The following DDR1 variants were observed in gnomAD, a reference collection of about 807,000 sequenced individuals.
DDR1 encodes the protein discoidin domain receptor tyrosine kinase 1, also known as epithelial discoidin domain-containing receptor 1.
DDR1 carries 64 observed loss-of-function variants against 97.4 expected under a neutral mutation model. The ratio of observed to expected loss-of-function variants is 0.66; its 90% CI spans 0.54 to 0.81. The LOEUF (loss-of-function observed/expected upper bound fraction) is 0.81. Ranked by LOEUF, DDR1 falls within the 30% of genes least tolerant of loss-of-function variation. The pLI is 0.00. For missense variants in DDR1, 990 were observed against 1,259.6 expected (o/e 0.79, Z 3.24); for synonymous variants, 458 against 503.7 (o/e 0.91, Z 1.21).
At chr6:30,882,702 C>T (rs911854044), upstream of DDR1, 3 of 152,568 alleles carry the variant, frequency 2.0e-5, no homozygotes, top group Non-Finnish European at 2.9e-5. The surrounding 1 kb of genome is among the most constrained non-coding windows in gnomAD (Gnocchi z 4.8). Flanking sequence ...GACTCTCTAG[C>T]TCCTTCTGCT....
In DDR1 at chr6:30,891,349, C is replaced by G. The variant is rs770312033; in HGVS notation, c.566-31C>G. ...GGGATGGGGGATGGAGCCTTAGTGC[C>G]TCTGACCCCCATCCTCTCACCCTGC... On this transcript the variant is annotated intron_variant, in intron 5 of 17. Transcript: ENST00000376568. The surrounding 1 kb of genome is among the most constrained non-coding windows in gnomAD (Gnocchi z 5.3). 1 of 1,574,214 alleles carries G rather than the reference C, an allele frequency of 6.4e-7. No individual in the cohort carries two copies. Among genetic ancestry groups the G allele is most frequent in the African/African-American group, 1.3e-5 (1 of 74,124 alleles).
Position 30,889,968 on chromosome 6 carries a change from C to A in DDR1, c.417+538C>A, listed in dbSNP as rs1787420941. Among the ~76,000 whole-genome samples the A allele has an allele frequency of 6.6e-6, 1 of 152,168 alleles. No homozygotes were observed. Among genetic ancestry groups the A allele is most frequent in the Non-Finnish European group, 1.5e-5 (1 of 68,038 alleles). ...CGTCTGTTCTACCTCCATAGTGTTC[C>A]TGAGTCCAGTCACTCCTCACCACTC... On this transcript the variant is annotated intron_variant, in intron 4 of 17. Transcript: ENST00000376568. The surrounding 1 kb of genome is among the most constrained non-coding windows in gnomAD (Gnocchi z 4.9).
intron 1 of DDR1, chr6:30,885,698 T>G (rs1304472319): frequency 7.6e-7 from 1 of 1,309,960 alleles, no homozygotes; most frequent in African/African-American, 1.5e-5. Context: ...CGGGTTGATG[T>G]ATGCATGAGC....
chr6:30,894,768 T>A lies in DDR1; in HGVS notation c.1513+97T>A, dbSNP rs1790061570. 1 of 1,356,068 alleles carries A rather than the reference T, an allele frequency of 7.4e-7. No homozygotes were observed. Among genetic ancestry groups the A allele is most frequent in the Non-Finnish European group, 9.9e-7 (1 of 1,010,432 alleles). The allele number at this position is 1,356,068 out of a possible 1,614,324, so 84.0% of individuals were successfully genotyped here. A position where few individuals can be genotyped will look rare whatever the true frequency, so the allele number is the denominator to read the frequency against. Reference sequence around the variant, plus strand: ...TCTTTTTTTCCTGTCTTCCCCAGTTTCCACTTGTTTTCTTCTTTCTGTGCC... The same window carrying A: ...TCTTTTTTTCCTGTCTTCCCCAGTTACCACTTGTTTTCTTCTTTCTGTGCC... On this transcript the variant is annotated intron_variant, in intron 11 of 17. Transcript: ENST00000376568. This position sits in a 1 kb window ranked among gnomAD's most constrained non-coding sequence, Gnocchi z 5.7.
chr6:30,885,378 G>T, intron 1 of DDR1: 1 of 992,038 alleles, frequency 1.0e-6, no homozygotes, highest in South Asian at 1.6e-5. Context: ...TGAGTGGTGT[G>T]GTGGAGACAG....
chr6:30,897,605 C>G lies in DDR1; in HGVS notation c.2216+8C>G, dbSNP rs2524242. ...GCAGGGGCCCACCATCAGGTACCTG[C>G]TTACCCAGGCTGGGCCTTGCTCAGA... On this transcript the variant is annotated splice_region_variant and intron_variant, in intron 15 of 17. Transcript: ENST00000376568. The surrounding 1 kb of genome is among the most constrained non-coding windows in gnomAD (Gnocchi z 5.2). The G allele has an allele frequency of 6.2e-7, 1 of 1,602,536 alleles. No homozygotes were observed. Among genetic ancestry groups the G allele is most frequent in the South Asian group, 1.1e-5 (1 of 90,744 alleles).
chr6:30,892,310 C>T lies in DDR1; in HGVS notation c.867C>T (p.Asn289=), dbSNP rs1481324804. Residue 289 remains asparagine (N), a synonymous_variant, in exon 8 of 18, where the codon AAC becomes AAT. Transcript: ENST00000376568. ...AFQAMQVHCN[N]MHTLGARLPG... Reference sequence around the variant, plus strand: ...CTTCCCCCCAGGTCCACTGTAACAACATGCACACGCTGGGAGCCCGTCTGC... The same window carrying T: ...CTTCCCCCCAGGTCCACTGTAACAATATGCACACGCTGGGAGCCCGTCTGC... 6.4e-7 allele frequency: 1 copy of T among 1,573,938 alleles called. No individual in the cohort carries two copies. The highest frequency in any genetic ancestry group is 8.6e-7 in the Non-Finnish European group (1 of 1,158,484).
chr6:30,896,530 AGGGCCCTCCGG>A, intron 12 of DDR1, 80 bp from the exon 13 acceptor site: 1 of 1,482,642 alleles, frequency 6.7e-7, no homozygotes, highest in Non-Finnish European at 9.1e-7. Context: ...CGGGAGACAC[AGGGCCCTCCGG>A]GAGGCTGAGG....
Position 30,891,552 on chromosome 6 carries a change from TGTGTGA to T in DDR1, c.665+75_665+80del, listed in dbSNP as rs778710973. ...CTGTGTGTGTGTGTGTGTGTGTGTG[TGTGTGA>T]GAGTGTGTGTGTGTAGGGGGGCTGG... On this transcript the variant is annotated intron_variant, in intron 6 of 17. Transcript: ENST00000376568. The surrounding 1 kb of genome is among the most constrained non-coding windows in gnomAD (Gnocchi z 5.3). 1,511 of 950,904 alleles carry T rather than the reference TGTGTGA, an allele frequency of 1.6e-3. 11 individuals carry two copies. Among genetic ancestry groups the T allele is most frequent in the Admixed American group, 6.4e-3 (308 of 48,250 alleles). 58.9% of individuals were successfully genotyped at this position (950,904 alleles called of 1,614,324 possible).
chr6:30,892,780 T>C, intron 8 of DDR1: 1 of 594,220 alleles, frequency 1.7e-6, no homozygotes, highest in African/African-American at 1.9e-5. Flanking sequence ...AGTATGACAG[T>C]ACTGGTTGTT....
At position 30,891,883 on chromosome 6, in the gene DDR1, C is replaced by G; in HGVS notation, c.666-119C>G. 9.3e-7 allele frequency: 1 copy of G among 1,073,664 alleles called. No homozygotes were observed. Among genetic ancestry groups the G allele is most frequent in the Non-Finnish European group, 1.4e-6 (1 of 711,848 alleles). The allele number at this position is 1,073,664 out of a possible 1,614,324, so 66.5% of individuals were successfully genotyped here. A position where few individuals can be genotyped will look rare whatever the true frequency, so the allele number is the denominator to read the frequency against. On this transcript the variant is annotated intron_variant, in intron 6 of 17. Transcript: ENST00000376568. This position sits in a 1 kb window ranked among gnomAD's most constrained non-coding sequence, Gnocchi z 5.3. ...AGTGTGAGGTGGGATGGGAATGGGA[C>G]TAGTGGATGGGAGCCAGGCTGGCCA...
chr6:30,899,196 A>G lies in DDR1; in HGVS notation c.2642A>G (p.Tyr881Cys), dbSNP rs775192640. 1.1e-5 allele frequency: 17 copies of G among 1,614,074 alleles called. No individual in the cohort carries two copies. Among genetic ancestry groups the G allele is most frequent in the Admixed American group, 3.3e-5 (2 of 60,004 alleles). ...CCGCCTGCCTGCCCGCAGGGCCTATATGAGCTGATGCTTCGGTGCTGGAGC... is the reference window on the plus strand; with the variant it reads ...CCGCCTGCCTGCCCGCAGGGCCTATGTGAGCTGATGCTTCGGTGCTGGAGC... The part of the protein sequence containing the change: ...SRPPACPQGL[Y>C]ELMLRCWSRE... Residue 881 changes from tyrosine (Y) to cysteine (C), a missense_variant, in exon 18 of 18, where the codon TAT becomes TGT. Transcript: ENST00000376568.
At chr6:30,882,346 G>C (rs1302359845), upstream of DDR1, among the ~76,000 whole-genome samples, 1 of 152,222 alleles carries the variant, frequency 6.6e-6, no homozygotes, top group Non-Finnish European at 1.5e-5. This position sits in a 1 kb window ranked among gnomAD's most constrained non-coding sequence, Gnocchi z 4.8. Context: ...GGATGGTAGA[G>C]GGTCATTTGG....
rs1320636006 is a variant in DDR1 at position 30,891,856 on chromosome 6, T to C, written c.666-146T>C. Reference sequence around the variant, plus strand: ...GGAGAGAGGAGAAGGGCCAGCTGCATGAGTGTGAGGTGGGATGGGAATGGG... The same window carrying C: ...GGAGAGAGGAGAAGGGCCAGCTGCACGAGTGTGAGGTGGGATGGGAATGGG... On this transcript the variant is annotated intron_variant, in intron 6 of 17. Transcript: ENST00000376568. This position sits in a 1 kb window ranked among gnomAD's most constrained non-coding sequence, Gnocchi z 5.3. The C allele has an allele frequency of 1.2e-6, 1 of 855,236 alleles. No individual in the cohort carries two copies. The highest frequency in any genetic ancestry group is 1.9e-6 in the Non-Finnish European group (1 of 528,082). The allele number at this position is 855,236 out of a possible 1,614,324, so 53.0% of individuals were successfully genotyped here. A position where few individuals can be genotyped will look rare whatever the true frequency, so the allele number is the denominator to read the frequency against.
chr6:30,893,380 C>T lies in DDR1; in HGVS notation c.1304C>T (p.Ala435Val). The T allele has an allele frequency of 1.2e-6, 2 of 1,607,586 alleles. No homozygotes were observed. Among genetic ancestry groups the T allele is most frequent in the Non-Finnish European group, 1.7e-6 (2 of 1,179,834 alleles). ...ATCCTGCTCCTGCTGCTCATCATTG[C>T]CCTCATGCTCTGGCGGCTGCACTGG... ...AIILLLLLII[A>V]LMLWRLHWRR... The change falls in exon 10 of 18, where the codon GCC becomes GTC. Residue 435 changes from alanine (A) to valine (V), a missense_variant. Coordinates refer to ENST00000376568, the MANE Select transcript of DDR1 (RefSeq NM_001297654.2).
In DDR1 at chr6:30,893,441, A is replaced by T; in HGVS notation, c.1347+18A>T. 6.3e-7 allele frequency: 1 copy of T among 1,596,168 alleles called. No homozygotes were observed. The highest frequency in any genetic ancestry group is 2.2e-5 in the East Asian group (1 of 44,596). ...TCAGCAAGGTGGGCACAGCCGTGGC[A>T]TGTGGAGTGGCGGGGGGAGGCCAGG... On this transcript the variant is annotated intron_variant, in intron 10 of 17. Coordinates refer to ENST00000376568, the MANE Select transcript of DDR1 (RefSeq NM_001297654.2).
rs1011399192 is a variant in DDR1, at chr6:30,889,384, G to A, written c.371G>A (p.Arg124Gln). 3.1e-6 allele frequency: 5 copies of A among 1,597,806 alleles called. No homozygotes were observed. Among genetic ancestry groups the A allele is most frequent in the East Asian group, 2.2e-5 (1 of 44,688 alleles). The change falls in exon 4 of 18, where the codon CGG becomes CAG. Residue 124 changes from arginine to glutamine, a missense_variant. Transcript: ENST00000376568. The surrounding 1 kb of genome is among the most constrained non-coding windows in gnomAD (Gnocchi z 4.9). ...CGGAGCTACCGGCTGCGTTACTCCC[G>A]GGATGGTCGCCGCTGGATGGGCTGG... is the stretch of plus-strand genomic sequence containing the variant. ...FSRSYRLRYS[R>Q]DGRRWMGWKD...
Position 30,888,769 on chromosome 6 carries a change from T to C in DDR1, c.40T>C (p.Leu14=). The C allele has an allele frequency of 6.2e-7, 1 of 1,613,016 alleles. No homozygotes were observed. The highest frequency in any genetic ancestry group is 8.5e-7 in the Non-Finnish European group (1 of 1,180,016). The change falls in exon 2 of 18, where the codon TTG becomes CTG. Residue 14 remains leucine, a synonymous_variant. Coordinates refer to ENST00000376568, the MANE Select transcript of DDR1 (RefSeq NM_001297654.2). This position sits in a 1 kb window ranked among gnomAD's most constrained non-coding sequence, Gnocchi z 4.2. ...CCTGTCATCTTTACTGCTGCTGCTC[T>C]TGGTGGCAAGTGGAGATGCTGACAT... ...EALSSLLLLL[L]VASGDADMKG...
intron 12 of DDR1, 72 bp from the exon 13 acceptor site, chr6:30,896,549 A>T (rs1790831579): frequency 2.0e-6 from 3 of 1,530,512 alleles, no homozygotes; most frequent in Non-Finnish European, 2.6e-6. Context: ...CGGGAGGCTG[A>T]GGTGTGGGGA....
Sources: gnomAD v4.1 joint callset for allele counts (sites outside exome capture counted in the v4.1 genomes callset) on GRCh38, gnomAD v4.1.1 for gene constraint, Gnocchi (gnomAD v3.1) non-coding constraint, MANE v1.5 for transcripts, NCBI Gene and HGNC (gene_info 2026-07-23, HGNC 2026-07-21) for gene names.